The following MGAT5 variants were observed in gnomAD, a reference collection of about 807,000 sequenced individuals.
MGAT5 encodes alpha-1,6-mannosylglycoprotein 6-beta-N-acetylglucosaminyltransferase A.
MGAT5 carries 30 observed loss-of-function variants against 94.3 expected under a neutral mutation model. The ratio of observed to expected loss-of-function variants is 0.32; its 90% CI spans 0.24 to 0.43. The LOEUF is 0.43. MGAT5 is among the 20% of genes least tolerant of loss of function. The pLI is 1.00. For missense variants in MGAT5, 691 were observed against 905.5 expected, an observed-to-expected ratio of 0.76 and a Z score of 3.04; for synonymous variants, 310 against 322.9, an observed-to-expected ratio of 0.96 and a Z score of 0.43.
At chr2:134,300,635 A>G (rs1685959291) in intron 2 of MGAT5, among the ~76,000 whole-genome samples, 1 of 152,134 alleles carries the variant, frequency 6.6e-6, no homozygotes, top group Admixed American at 6.6e-5. Flanking sequence ...CTTTAGTTTT[A>G]TGCACTTTTG....
chr2:134,385,476 G>A (rs1443969498), intron 10 of MGAT5, among the ~76,000 whole-genome samples: 15 of 152,172 alleles, frequency 9.9e-5, no homozygotes. Context: ...AGTGTGACTA[G>A]AATGTCCTTA....
chr2:134,278,839 G>C (rs1684531424), intron 2 of MGAT5, among the ~76,000 whole-genome samples: 1 of 152,206 alleles, frequency 6.6e-6, no homozygotes, highest in East Asian at 1.9e-4. Context: ...TGTTCTGGCT[G>C]ACTCTTCTTT....
chr2:134,419,623 A>C (rs556721054), intron 12 of MGAT5, among the ~76,000 whole-genome samples: 1 of 134,666 alleles, frequency 7.4e-6, no homozygotes, highest in East Asian at 2.3e-4. Context: ...ACAATGAAGT[A>C]TCTTAGATCA....
chr2:134,225,077 C>CAAAA (rs1167660901), intron 1 of MGAT5, among the ~76,000 whole-genome samples: 57 of 68,090 alleles, frequency 8.4e-4, no homozygotes, highest in Middle Eastern at 9.1e-3. Context: ...CCCTGTCTCA[C>CAAAA]AAAAAAAAAA....
At chr2:134,127,503 C>A (rs191019421) in intron 1 of MGAT5, among the ~76,000 whole-genome samples, 55 of 126,696 alleles carry the variant, frequency 4.3e-4, no homozygotes, top group Admixed American at 1.3e-3. Context: ...TTTCCCCCCC[C>A]CCCAGGCTTG....
chr2:134,159,312 T>TC (rs1233997649), intron 1 of MGAT5, among the ~76,000 whole-genome samples: 8 of 152,028 alleles, frequency 5.3e-5, no homozygotes, highest in African/African-American at 7.3e-5. Context: ...TCTTTTTTTT[T>TC]CTTCCCTTCT....
Position 134,268,102 on chromosome 2 carries a change from G to T in MGAT5, c.242-2284G>T, listed in dbSNP as rs1010936427. ...GAGTAGAGACCAGGGATGCTGCTAA[G>T]CATCTTACAATGCAAGGACAGTCAC... On this transcript the variant is annotated intron_variant, in intron 1 of 15. Coordinates refer to ENST00000281923, the MANE Select transcript of MGAT5 (RefSeq NM_002410.5). This position sits in a 1 kb window ranked among gnomAD's most constrained non-coding sequence, Gnocchi z 4.1. Among the ~76,000 whole-genome samples, 2 of 152,218 alleles carry T rather than the reference G, an allele frequency of 1.3e-5. No individual in the cohort carries two copies. The highest frequency in any genetic ancestry group is 4.8e-5 in the African/African-American group (2 of 41,452).
In MGAT5 at chr2:134,184,382, AG is replaced by A. The variant is rs1331451461; in HGVS notation, c.-143+64094del. Reference sequence around the variant, plus strand: ...GTCTTTACATTCCAGCCTGCAGGGAAGGGTACCCTTGAGTGTGACTGGTGCT... The same window carrying A: ...GTCTTTACATTCCAGCCTGCAGGGAAGGTACCCTTGAGTGTGACTGGTGCT... On this transcript the variant is annotated intron_variant, in intron 1 of 16. Transcript: ENST00000409645. Among the ~76,000 whole-genome samples, 8 of 151,550 alleles carry A rather than the reference AG, an allele frequency of 5.3e-5. No individual in the cohort carries two copies. In the East Asian group the frequency reaches 1.6e-3, roughly 30 times the overall value.
chr2:134,419,375 T>A (rs1684154051), intron 12 of MGAT5, among the ~76,000 whole-genome samples: 1 of 152,036 alleles, frequency 6.6e-6, no homozygotes, highest in African/African-American at 2.4e-5. Context: ...TTGGGAAACA[T>A]ATGAGTAGGT....
intron 15 of MGAT5, among the ~76,000 whole-genome samples, chr2:134,447,381 G>T (rs1685848123): frequency 6.6e-6 from 1 of 152,216 alleles, no homozygotes; most frequent in Non-Finnish European, 1.5e-5. Context: ...TGACAACAAT[G>T]ATGGTTGCCA....
intron 1 of MGAT5, among the ~76,000 whole-genome samples, chr2:134,133,611 A>T (rs1429937189): frequency 6.6e-6 from 1 of 152,240 alleles, no homozygotes; most frequent in Non-Finnish European, 1.5e-5. Context: ...TTATCCTGTA[A>T]TCTTAATAGA....
At chr2:134,315,586 C>G (rs550226602) in intron 2 of MGAT5, among the ~76,000 whole-genome samples, 4 of 152,182 alleles carry the variant, frequency 2.6e-5, no homozygotes, top group African/African-American at 9.7e-5. Context: ...ATGCTGCTTT[C>G]CCAGATATAG....
At chr2:134,172,513 A>G (rs1688262599) in intron 1 of MGAT5, among the ~76,000 whole-genome samples, 1 of 152,018 alleles carries the variant, frequency 6.6e-6, no homozygotes, top group Non-Finnish European at 1.5e-5. Flanking sequence ...CAGCCTCCCA[A>G]GTAGCTGGGA....
At chr2:134,415,345 C>T (rs1469511913) in intron 12 of MGAT5, among the ~76,000 whole-genome samples, 3 of 152,164 alleles carry the variant, frequency 2.0e-5, no homozygotes, top group Non-Finnish European at 4.4e-5. Context: ...CTTGTGGTTT[C>T]AATGTGCATC....
At chr2:134,366,459 G>A (rs933719094) in intron 10 of MGAT5, among the ~76,000 whole-genome samples, 1 of 152,134 alleles carries the variant, frequency 6.6e-6, no homozygotes, top group Non-Finnish European at 1.5e-5. Flanking sequence ...CATGATCGCC[G>A]CTAAGGTAAA....
At chr2:134,342,719 TAA>T (rs3838499) in intron 7 of MGAT5, among the ~76,000 whole-genome samples, 1 of 138,778 alleles carries the variant, frequency 7.2e-6, no homozygotes, top group Non-Finnish European at 1.5e-5. Context: ...GTCTCTGTCT[TAA>T]AAAAAAAAAA....
chr2:134,208,742 A>G (rs937673621), intron 1 of MGAT5, among the ~76,000 whole-genome samples: 1 of 152,244 alleles, frequency 6.6e-6, no homozygotes, highest in African/African-American at 2.4e-5. Flanking sequence ...AAGTTCTGAA[A>G]CTTAATATCT....
chr2:134,121,253 G>A (rs1685572642), intron 1 of MGAT5, among the ~76,000 whole-genome samples: 1 of 152,230 alleles, frequency 6.6e-6, no homozygotes. Flanking sequence ...GTGGCGGGGT[G>A]GCCAGAGGCC....
rs577566889 is a variant in MGAT5 at position 134,158,753 on chromosome 2, G to A, written c.-143+38462G>A. 4.6e-4 allele frequency among the ~76,000 whole-genome samples: 70 copies of A among 152,232 alleles called. 1 individual carries two copies. Among genetic ancestry groups the A allele is most frequent in the African/African-American group, 1.6e-3 (67 of 41,538 alleles). On this transcript the variant is annotated intron_variant, in intron 1 of 16. Coordinates refer to the MGAT5 transcript ENST00000409645. ...CTACAGCAGCGGCTGCTCCATATGG[G>A]CCCCCACTGCCATCACTACTACTGT...
Sources: gnomAD v4.1 joint callset for allele counts (sites outside exome capture counted in the v4.1 genomes callset) on GRCh38, gnomAD v4.1.1 for gene constraint, Gnocchi (gnomAD v3.1) non-coding constraint, MANE v1.5 for transcripts, NCBI Gene and HGNC (gene_info 2026-07-23, HGNC 2026-07-21) for gene names.